Variants in TRIM5 observed in about 807,000 individuals in gnomAD.
The protein encoded by TRIM5 is tripartite motif-containing protein 5.
A neutral mutation model predicts 35.6 loss-of-function variants in TRIM5; 31 were observed. The observed-to-expected ratio is 0.87, with a 90% CI of 0.65 to 1.18. The LOEUF (loss-of-function observed/expected upper bound fraction) is 1.18, where lower values mean the gene tolerates loss of function less well. Among genes scored for constraint, TRIM5 ranks in the 50% most tolerant of loss-of-function variants. The pLI, the probability that TRIM5 is intolerant of heterozygous loss-of-function variation, is 0.00. For missense variants in TRIM5, 609 were observed against 591.6 expected (o/e 1.03, Z -0.31); for synonymous variants, 243 against 215.6 (o/e 1.13, Z -1.11).
chr11:5,605,417 G>A, the TRIM5 span: 1 of 1,614,178 alleles, frequency 6.2e-7, no homozygotes, highest in Middle Eastern at 1.6e-4. Context: ...TGGAGCAACG[G>A]GAGCTGAAAA....
At chr11:5,632,822 CTTTTTTTTT>C in the TRIM5 span, 2 of 982,822 alleles carry the variant, frequency 2.0e-6, no homozygotes, top group Non-Finnish European at 2.6e-6. Flanking sequence ...CCTTTTCATC[CTTTTTTTTT>C]TTTTTTTTTT....
the TRIM5 span, among the ~76,000 whole-genome samples, chr11:5,629,200 C>A: frequency 4.6e-5 from 7 of 152,050 alleles, no homozygotes; most frequent in African/African-American, 1.4e-4. Flanking sequence ...TCGCTTGAAC[C>A]TGGGAGGCGG....
At chr11:5,625,556 G>A in the TRIM5 span, among the ~76,000 whole-genome samples, 1 of 152,130 alleles carries the variant, frequency 6.6e-6, no homozygotes, top group Admixed American at 6.6e-5. Flanking sequence ...ACGGCCAGGG[G>A]TTGAAGTGGG....
the TRIM5 span, among the ~76,000 whole-genome samples, chr11:5,600,101 A>C: frequency 6.6e-6 from 1 of 152,232 alleles, no homozygotes; most frequent in Non-Finnish European, 1.5e-5. Flanking sequence ...ACTACCAGTT[A>C]GATGCACAGA....
chr11:5,616,449 T>G, the TRIM5 span, among the ~76,000 whole-genome samples: 1 of 145,498 alleles, frequency 6.9e-6, no homozygotes, highest in Non-Finnish European at 1.5e-5. Context: ...ATTTAAATAT[T>G]TTGCTACTTT....
the TRIM5 span, among the ~76,000 whole-genome samples, chr11:5,600,955 G>A: frequency 2.0e-5 from 3 of 152,098 alleles, no homozygotes; most frequent in Non-Finnish European, 4.4e-5. Flanking sequence ...TTTCTAAAGA[G>A]TATTCTCAGT....
the TRIM5 span, among the ~76,000 whole-genome samples, chr11:5,599,217 A>G: frequency 6.6e-6 from 1 of 152,082 alleles, no homozygotes; most frequent in Non-Finnish European, 1.5e-5. Context: ...GATTCTTTTC[A>G]GTTTGGGACT....
In TRIM5 at chr11:5,664,846, C is replaced by G. The variant is rs1851000664; in HGVS notation, c.1445G>C (p.Cys482Ser). Residue 482 changes from cysteine (C) to serine (S), a missense_variant, in exon 8 of 8, where the codon TGT becomes TCT. Cys to Ser is a moderately radical substitution (Grantham distance 112). Transcript: ENST00000380034. ...PVFPYLNPRK[C>S]GVPMTLCSPS... ...TGAGCACAGAGTCATGGGGACTCCA[C>G]ATTTTCTAGGATTTAAATATGGAAA... 1 of 1,609,884 alleles carries G rather than the reference C, an allele frequency of 6.2e-7. No homozygotes were observed. Among genetic ancestry groups the G allele is most frequent in the East Asian group, 2.2e-5 (1 of 44,860 alleles).
the TRIM5 span, chr11:5,645,977 A>G: frequency 8.1e-6 from 1 of 123,904 alleles, no homozygotes; most frequent in Non-Finnish European, 1.6e-5. Context: ...GTATGTATTT[A>G]TAACATATGT....
chr11:5,678,075 A>G (rs940779276), intron 4 of TRIM5, 129 bp downstream of exon 4: 1 of 697,882 alleles, frequency 1.4e-6, no homozygotes, highest in Non-Finnish European at 2.2e-6. Flanking sequence ...TTATAACTTC[A>G]GCAATTGATT....
At chr11:5,678,109 C>T in intron 4 of TRIM5, 95 bp downstream of exon 4, 1 of 1,077,834 alleles carries the variant, frequency 9.3e-7, no homozygotes, top group Non-Finnish European at 1.3e-6. Context: ...CTGCAGAGAA[C>T]ATTGTTAATA....
chr11:5,602,435 C>T, the TRIM5 span, among the ~76,000 whole-genome samples: 34,788 of 150,830 alleles, frequency 0.23, 4,722 homozygotes, highest in East Asian at 0.42. Flanking sequence ...AGAGCAAGAC[C>T]CCCTAATGAG....
the TRIM5 span, among the ~76,000 whole-genome samples, chr11:5,609,186 CT>C: frequency 6.6e-6 from 1 of 152,152 alleles, no homozygotes; most frequent in Non-Finnish European, 1.5e-5. Flanking sequence ...TGTCAAGCTG[CT>C]TGCACACTTG....
Position 5,664,514 on chromosome 11 carries a change from T to C in TRIM5, c.*295A>G. The C allele has an allele frequency of 9.1e-7, 1 of 1,094,058 alleles. No homozygotes were observed. Among genetic ancestry groups the C allele is most frequent in the Non-Finnish European group, 1.1e-6 (1 of 898,656 alleles). 67.8% of individuals were successfully genotyped at this position (1,094,058 alleles called of 1,614,324 possible). On this transcript the variant is annotated 3_prime_UTR_variant, in exon 8 of 8. Transcript: ENST00000380034. Reference sequence around the variant, plus strand: ...GTCAGTGTCAGAGGCAATTGGGTGATAAATATCTGGCAGAAGTAATACCTA... The same window carrying C: ...GTCAGTGTCAGAGGCAATTGGGTGACAAATATCTGGCAGAAGTAATACCTA...
the TRIM5 span, among the ~76,000 whole-genome samples, chr11:5,616,661 T>G: frequency 1.4e-5 from 2 of 144,982 alleles, 1 homozygote; most frequent in African/African-American, 5.0e-5. Flanking sequence ...GTTCCAAGAT[T>G]TGAAACATTA....
the TRIM5 span, chr11:5,591,118 A>G: frequency 6.5e-6 from 1 of 152,956 alleles, no homozygotes; most frequent in South Asian, 2.1e-4. Context: ...GAATGTTGGG[A>G]TGAGGAAGAG....
At chr11:5,679,382 G>A (rs571447015) in intron 2 of TRIM5, among the ~76,000 whole-genome samples, 1 of 152,274 alleles carries the variant, frequency 6.6e-6, no homozygotes, top group East Asian at 1.9e-4. Context: ...TCCTCACCAT[G>A]AGTAGACTGA....
chr11:5,611,423 T>C, the TRIM5 span: 3 of 1,179,560 alleles, frequency 2.5e-6, no homozygotes. Flanking sequence ...TCTTCTGTTT[T>C]TCTGTGTTCT....
intron 4 of TRIM5, among the ~76,000 whole-genome samples, chr11:5,676,455 G>C (rs1851989458): frequency 6.6e-6 from 1 of 152,148 alleles, no homozygotes; most frequent in South Asian, 2.1e-4. Flanking sequence ...GGAAATAAAA[G>C]AGGATACAAA....
Sources: gnomAD v4.1 joint callset for allele counts (sites outside exome capture counted in the v4.1 genomes callset) on GRCh38, gnomAD v4.1.1 for gene constraint, MANE v1.5 for transcripts, NCBI Gene and HGNC (gene_info 2026-07-23, HGNC 2026-07-21) for gene names.